The following TTC28 variants were observed in gnomAD, a reference collection of about 807,000 sequenced individuals.
The protein encoded by TTC28 is tetratricopeptide repeat protein 28.
In TTC28, 61 loss-of-function variants were observed where a neutral mutation model predicts 198.0. The observed-to-expected ratio is 0.31, with a 90% CI of 0.25 to 0.38. The LOEUF is 0.38. TTC28 is among the 10% of genes least tolerant of loss of function. TTC28 has a pLI of 1.00. For missense variants in TTC28, 2,678 were observed against 3,164.0 expected (o/e 0.85, Z 3.69); for synonymous variants, 1,171 against 1,297.8 (o/e 0.90, Z 2.10).
chr22:28,677,176 ATATATATAT>A (rs1228008422), intron 1 of TTC28, among the ~76,000 whole-genome samples: 8 of 59,360 alleles, frequency 1.3e-4, no homozygotes, highest in African/African-American at 2.5e-4. Flanking sequence ...AAAAAAAAAA[ATATATATAT>A]ATATATATAT....
chr22:28,674,501 T>A (rs957494157), intron 1 of TTC28, among the ~76,000 whole-genome samples: 5 of 152,124 alleles, frequency 3.3e-5, no homozygotes, highest in Non-Finnish European at 5.9e-5. Context: ...CAATTATACA[T>A]ATGAGAACCA....
intron 2 of TTC28, among the ~76,000 whole-genome samples, chr22:28,334,074 T>TC (rs2045663610): frequency 6.7e-6 from 1 of 148,802 alleles, no homozygotes; most frequent in South Asian, 2.2e-4. Context: ...ATTGTTCAAT[T>TC]CCCACCTATG....
intron 6 of TTC28, among the ~76,000 whole-genome samples, chr22:28,127,412 C>T (rs927831730): frequency 1.3e-5 from 2 of 152,150 alleles, no homozygotes. Context: ...CAACAACCAA[C>T]CAACCTCCCC....
At chr22:28,260,880 C>T (rs1931269105) in intron 5 of TTC28, among the ~76,000 whole-genome samples, 1 of 152,154 alleles carries the variant, frequency 6.6e-6, no homozygotes, top group Non-Finnish European at 1.5e-5. Flanking sequence ...AATAAAATAG[C>T]ACAGTAAGAT....
At chr22:28,515,847 A>G (rs909882452) in intron 2 of TTC28, among the ~76,000 whole-genome samples, 1 of 152,148 alleles carries the variant, frequency 6.6e-6, no homozygotes, top group South Asian at 2.1e-4. Context: ...AAATTTTCAA[A>G]AAATTTCAGT....
At chr22:28,231,983 G>T (rs918570768) in intron 5 of TTC28, among the ~76,000 whole-genome samples, 3 of 152,206 alleles carry the variant, frequency 2.0e-5, no homozygotes, top group Non-Finnish European at 4.4e-5. Flanking sequence ...CCAGCAGAGA[G>T]TTGGGAATTA....
intron 2 of TTC28, among the ~76,000 whole-genome samples, chr22:28,454,179 T>C (rs1178590046): frequency 6.6e-6 from 1 of 152,168 alleles, no homozygotes; most frequent in African/African-American, 2.4e-5. Context: ...CCCTATTACT[T>C]TAGTTTGTCT....
chr22:28,421,127 A>G (rs2047246765), intron 2 of TTC28, among the ~76,000 whole-genome samples: 1 of 152,162 alleles, frequency 6.6e-6, no homozygotes, highest in South Asian at 2.1e-4. Context: ...CATGGACCCA[A>G]ATTGTGCTCC....
chr22:28,219,889 T>C (rs943085377), intron 5 of TTC28, among the ~76,000 whole-genome samples: 6 of 152,248 alleles, frequency 3.9e-5, no homozygotes, highest in South Asian at 2.1e-4. Flanking sequence ...TTTATCACTA[T>C]ACTTTAGACA....
chr22:28,178,220 C>T (rs772797873), intron 5 of TTC28, among the ~76,000 whole-genome samples: 7 of 150,246 alleles, frequency 4.7e-5, no homozygotes, highest in Non-Finnish European at 7.4e-5. Flanking sequence ...TTTGGGAGGC[C>T]GTGGTGGACA....
intron 5 of TTC28, among the ~76,000 whole-genome samples, chr22:28,206,495 G>A (rs1926415390): frequency 6.6e-6 from 1 of 152,172 alleles, no homozygotes; most frequent in South Asian, 2.1e-4. Context: ...GCCAGTTCAA[G>A]AGAACCTAGT....
intron 2 of TTC28, among the ~76,000 whole-genome samples, chr22:28,416,764 A>G (rs2047173625): frequency 6.6e-6 from 1 of 152,216 alleles, no homozygotes. Flanking sequence ...ACATAGTAAC[A>G]TACTCTGCAA....
At chr22:28,653,857 G>A (rs920922803) in intron 1 of TTC28, among the ~76,000 whole-genome samples, 4 of 152,158 alleles carry the variant, frequency 2.6e-5, no homozygotes, top group South Asian at 2.1e-4. Context: ...GTAAACATAA[G>A]AGAGTAGAAG....
At chr22:28,174,272 T>C (rs1922953261) in intron 5 of TTC28, among the ~76,000 whole-genome samples, 1 of 152,202 alleles carries the variant, frequency 6.6e-6, no homozygotes, top group African/African-American at 2.4e-5. Flanking sequence ...TAATACAGTA[T>C]TTATAATGAC....
At chr22:28,318,073 A>ATTTT (rs35011623) in intron 2 of TTC28, among the ~76,000 whole-genome samples, 6 of 139,798 alleles carry the variant, frequency 4.3e-5, no homozygotes, top group African/African-American at 1.6e-4. Context: ...CAGCTAATTA[A>ATTTT]TTTTTTTTTT....
intron 2 of TTC28, among the ~76,000 whole-genome samples, chr22:28,356,549 T>G (rs180674919): frequency 3.9e-5 from 6 of 152,220 alleles, no homozygotes; most frequent in Non-Finnish European, 7.3e-5. Flanking sequence ...TAAAAAATAT[T>G]TGCAACTTAA....
chr22:28,170,906 G>T (rs1922608782), intron 5 of TTC28, among the ~76,000 whole-genome samples: 1 of 151,182 alleles, frequency 6.6e-6, no homozygotes, highest in South Asian at 2.1e-4. Context: ...CTGCCTAGAA[G>T]CGCTTCTAAC....
At chr22:28,448,651 T>C (rs2047735226) in intron 2 of TTC28, among the ~76,000 whole-genome samples, 1 of 152,196 alleles carries the variant, frequency 6.6e-6, no homozygotes, top group Non-Finnish European at 1.5e-5. Flanking sequence ...TTTCACACAG[T>C]TGGGTAATCC....
rs143032062 is a variant in TTC28, at chr22:28,313,070, T to C, written c.382-6427A>G. Among the ~76,000 whole-genome samples the C allele has an allele frequency of 8.3e-3, 1,260 of 151,778 alleles. 8 individuals carry two copies. Among genetic ancestry groups the C allele is most frequent in the Non-Finnish European group, 0.014 (953 of 67,832 alleles). On this transcript the variant is annotated intron_variant, in intron 2 of 22. Coordinates refer to ENST00000397906, the MANE Select transcript of TTC28 (RefSeq NM_001145418.2). Reference sequence around the variant, plus strand: ...ACAGAAATACAAACTACCATCAGAGTATACTATAAACACCTCTACGCAAAT... The same window carrying C: ...ACAGAAATACAAACTACCATCAGAGCATACTATAAACACCTCTACGCAAAT...
Sources: allele counts gnomAD v4.1 joint callset (sites outside exome capture counted in the v4.1 genomes callset), GRCh38; gene constraint gnomAD v4.1.1; transcripts MANE v1.5; gene names NCBI Gene and HGNC (gene_info 2026-07-23, HGNC 2026-07-21).